The following NBAS variants were observed in gnomAD, a reference collection of about 807,000 sequenced individuals.
The protein encoded by NBAS is NAG/BC035112 fusion.
A neutral mutation model predicts 302.5 loss-of-function variants in NBAS; 219 were observed. The observed-to-expected ratio is 0.72, with a 90% confidence interval of 0.65 to 0.81. The LOEUF (loss-of-function observed/expected upper bound fraction) is 0.81, where lower values mean the gene tolerates loss of function less well. Among genes scored for constraint, NBAS ranks in the 30% least tolerant of loss-of-function variants. The pLI, the probability that NBAS is intolerant of heterozygous loss-of-function variation, is 0.00. For synonymous variants in NBAS, 1,118 were observed against 1,021.6 expected, an observed-to-expected ratio of 1.09 and a Z score of -1.80; for missense variants, 2,932 against 2,841.6, an observed-to-expected ratio of 1.03 and a Z score of -0.72.
intron 31 of NBAS, among the ~76,000 whole-genome samples, chr2:15,371,951 A>G (rs551043090): frequency 6.6e-6 from 1 of 152,338 alleles, no homozygotes; most frequent in East Asian, 1.9e-4. Flanking sequence ...TTGATATTGT[A>G]CAGTCCTTAC....
the NBAS span, among the ~76,000 whole-genome samples, chr2:14,858,850 A>C: frequency 6.6e-6 from 1 of 152,130 alleles, no homozygotes; most frequent in Admixed American, 6.6e-5. Flanking sequence ...ACAAAGGATT[A>C]ATGCTTGAAA....
At chr2:15,232,242 C>T (rs1384921417) in intron 47 of NBAS, among the ~76,000 whole-genome samples, 180 bp downstream of exon 47, 1 of 152,122 alleles carries the variant, frequency 6.6e-6, no homozygotes, top group Non-Finnish European at 1.5e-5. Context: ...CAAGCAGGAC[C>T]TGGAGCTGGT....
At chr2:15,318,677 A>G (rs1262017305) in intron 38 of NBAS, among the ~76,000 whole-genome samples, 1 of 152,214 alleles carries the variant, frequency 6.6e-6, no homozygotes, top group Non-Finnish European at 1.5e-5. Flanking sequence ...TGGTAAAGGG[A>G]TCAATTCAAT....
At chr2:15,362,882 T>C (rs746079423) in intron 32 of NBAS, among the ~76,000 whole-genome samples, 1 of 152,124 alleles carries the variant, frequency 6.6e-6, no homozygotes, top group Non-Finnish European at 1.5e-5. Flanking sequence ...TGGGTCTGAC[T>C]GAACTTCAGG....
At chr2:15,295,133 T>C (rs1369549292) in intron 40 of NBAS, among the ~76,000 whole-genome samples, 1 of 152,228 alleles carries the variant, frequency 6.6e-6, no homozygotes. Context: ...ACACTTCTCA[T>C]TAGCCTCAAT....
intron 21 of NBAS, among the ~76,000 whole-genome samples, chr2:15,444,858 A>C (rs1362370169): frequency 6.6e-6 from 1 of 152,190 alleles, no homozygotes; most frequent in South Asian, 2.1e-4. Context: ...ATGAACAGAC[A>C]CTTCTCAAAA....
At chr2:15,403,897 GTGTCTA>G (rs1220641986) in intron 25 of NBAS, among the ~76,000 whole-genome samples, 2 of 134,762 alleles carry the variant, frequency 1.5e-5, no homozygotes, top group Admixed American at 8.1e-5. Flanking sequence ...GTGTGTGTGT[GTGTCTA>G]TACACTTTTT....
intron 8 of NBAS, 135 bp downstream of exon 8, chr2:15,536,283 T>G: frequency 1.0e-6 from 1 of 1,004,036 alleles, no homozygotes. Context: ...ACCACACCAC[T>G]CTTTCAAATT....
At chr2:15,152,762 A>T in the NBAS span, among the ~76,000 whole-genome samples, 1 of 152,256 alleles carries the variant, frequency 6.6e-6, no homozygotes, top group Non-Finnish European at 1.5e-5. Flanking sequence ...ACATTAACAA[A>T]GGGGCCTGTT....
intron 49 of NBAS, among the ~76,000 whole-genome samples, 170 bp downstream of exon 49, chr2:15,190,094 A>G (rs753018247): frequency 3.3e-5 from 5 of 152,170 alleles, no homozygotes; most frequent in Admixed American, 6.6e-5. Context: ...GGAGAAACGG[A>G]AAGACATTGC....
At chr2:15,462,839 C>A (rs1679564501) in intron 19 of NBAS, among the ~76,000 whole-genome samples, 1 of 151,968 alleles carries the variant, frequency 6.6e-6, no homozygotes, top group Non-Finnish European at 1.5e-5. Flanking sequence ...TTTGAAAGAG[C>A]CTTGAGGAAC....
intron 33 of NBAS, among the ~76,000 whole-genome samples, chr2:15,353,954 T>C (rs1380709838): frequency 6.6e-6 from 1 of 152,168 alleles, no homozygotes; most frequent in African/African-American, 2.4e-5. Context: ...CTGTTAAATT[T>C]TAGATTAACT....
Position 15,558,443 on chromosome 2 carries a change from T to C in NBAS, c.172+137A>G, listed in dbSNP as rs927183717. ...ACAAATGTATACATATACATACATA[T>C]GTGTGTATATATAAATATATATATA... On this transcript the variant is annotated intron_variant, in intron 2 of 51. Transcript: ENST00000281513. 5.4e-5 allele frequency: 35 copies of C among 650,474 alleles called. No homozygotes were observed. In the African/African-American group the frequency reaches 6.1e-4, roughly 11 times the overall value. The allele number at this position is 650,474 out of a possible 1,614,324, so 40.3% of individuals were successfully genotyped here.
chr2:14,908,790 C>A, the NBAS span, among the ~76,000 whole-genome samples: 1,601 of 152,230 alleles, frequency 0.011, 43 homozygotes, highest in African/African-American at 0.037. Flanking sequence ...GAAATCACCC[C>A]CAGACCACTG....
chr2:14,961,053 A>C, the NBAS span, among the ~76,000 whole-genome samples: 1 of 152,128 alleles, frequency 6.6e-6, no homozygotes, highest in African/African-American at 2.4e-5. Context: ...TTGTTCTCCC[A>C]ACAGCTGGCC....
chr2:14,961,928 C>T, the NBAS span, among the ~76,000 whole-genome samples: 3 of 152,012 alleles, frequency 2.0e-5, no homozygotes, highest in Admixed American at 6.5e-5. Context: ...TACAGGTGCC[C>T]GCCACCACAC....
At chr2:14,894,611 A>T in the NBAS span, among the ~76,000 whole-genome samples, 2 of 152,124 alleles carry the variant, frequency 1.3e-5, no homozygotes, top group African/African-American at 4.8e-5. Flanking sequence ...AGTAATATAA[A>T]CACTGAATAT....
the NBAS span, among the ~76,000 whole-genome samples, chr2:15,092,994 G>C: frequency 6.6e-6 from 1 of 152,206 alleles, no homozygotes; most frequent in African/African-American, 2.4e-5. Flanking sequence ...GGGGGTTAAA[G>C]TTACTTAAAC....
the NBAS span, among the ~76,000 whole-genome samples, chr2:15,069,444 A>G: frequency 2.6e-5 from 4 of 152,184 alleles, no homozygotes; most frequent in African/African-American, 9.6e-5. Context: ...CAAGACTCCT[A>G]AGTCATGCTA....
Sources: gnomAD v4.1 joint callset for allele counts (sites outside exome capture counted in the v4.1 genomes callset) on GRCh38, gnomAD v4.1.1 for gene constraint, MANE v1.5 for transcripts, NCBI Gene and HGNC (gene_info 2026-07-23, HGNC 2026-07-21) for gene names.